The following LARGE1 variants were observed in gnomAD, a reference collection of about 807,000 sequenced individuals.
LARGE1 encodes xylosyl- and glucuronyltransferase LARGE1.
A neutral mutation model predicts 87.6 loss-of-function variants in LARGE1; 43 were observed. The ratio of observed to expected loss-of-function variants is 0.49; its 90% CI spans 0.38 to 0.63. The LOEUF (loss-of-function observed/expected upper bound fraction) is 0.63, where lower values mean the gene tolerates loss of function less well. Ranked by LOEUF, LARGE1 falls within the 30% of genes least tolerant of loss-of-function variation. LARGE1 has a pLI of 0.00. For missense variants in LARGE1, 802 were observed against 1,000.2 expected, an observed-to-expected ratio of 0.80 and a Z score of 2.67; for synonymous variants, 434 against 394.6, an observed-to-expected ratio of 1.10 and a Z score of -1.18.
At chr22:33,469,090 A>AATG (rs2068728624) in intron 6 of LARGE1, among the ~76,000 whole-genome samples, 2 of 152,328 alleles carry the variant, frequency 1.3e-5, no homozygotes, top group African/African-American at 4.8e-5. Context: ...TGCTGGTAGG[A>AATG]ATGTAAATTA....
chr22:33,355,708 A>G (rs1940829953), intron 9 of LARGE1, among the ~76,000 whole-genome samples: 1 of 60,172 alleles, frequency 1.7e-5, no homozygotes, highest in South Asian at 5.8e-4. Context: ...CCCAGTGTTA[A>G]TATCATGCAC....
intron 6 of LARGE1, among the ~76,000 whole-genome samples, chr22:33,535,016 T>C (rs147456154): frequency 2.0e-5 from 3 of 152,326 alleles, no homozygotes; most frequent in East Asian, 1.9e-4. Flanking sequence ...TATCACAATC[T>C]TGGGCTGGGC....
chr22:33,691,493 C>T (rs988684816), intron 2 of LARGE1, among the ~76,000 whole-genome samples: 1 of 152,118 alleles, frequency 6.6e-6, no homozygotes, highest in African/African-American at 2.4e-5. Context: ...ATTGACTGCA[C>T]AGTAAGAAAC....
downstream of LARGE1, among the ~76,000 whole-genome samples, chr22:33,267,679 C>A (rs1928026247): frequency 6.6e-6 from 1 of 151,000 alleles, no homozygotes; most frequent in South Asian, 2.1e-4. Flanking sequence ...AGCTTTTTAC[C>A]TTGAGGCCGA....
At chr22:33,081,249 C>T in the LARGE1 span, among the ~76,000 whole-genome samples, 6 of 152,184 alleles carry the variant, frequency 3.9e-5, no homozygotes, top group African/African-American at 7.2e-5. Flanking sequence ...AAATAAATGT[C>T]TATTGTTTAA....
intron 1 of LARGE1, among the ~76,000 whole-genome samples, chr22:33,853,332 G>A (rs1291074368): frequency 1.3e-5 from 2 of 152,168 alleles, no homozygotes; most frequent in South Asian, 2.1e-4. Flanking sequence ...AACAGCCGCT[G>A]CTTTTCAAGC....
rs1489161744 is a variant in LARGE1 at position 33,565,018 on chromosome 22, G to A, written c.617C>T (p.Ser206Phe). 1 of 1,613,872 alleles carries A rather than the reference G, an allele frequency of 6.2e-7. No individual in the cohort carries two copies. Among genetic ancestry groups the A allele is most frequent in the Middle Eastern group, 1.7e-4 (1 of 6,060 alleles). ...TTTATTGGGGATCCAGGAAACTTCA[G>A]ACTAGACAGAACAAGGCAGAGAGAG... ...VDFYNADELK[S>F]EVSWIPNKHY... The change falls in exon 6 of 15, where the codon TCT becomes TTT. Residue 206 changes from serine (S) to phenylalanine (F), a missense_variant and splice_region_variant. Physicochemically the swap from Ser to Phe is radical, Grantham distance 155. Around this residue, in one of 2 missense-constraint regions of LARGE1, gnomAD observed 625 missense variants for 841.9 expected, o/e 0.74. Transcript: ENST00000397394.
chr22:33,186,971 G>C (rs1223228805), intron 11 of LARGE1, among the ~76,000 whole-genome samples: 2 of 152,130 alleles, frequency 1.3e-5, no homozygotes, highest in Non-Finnish European at 2.9e-5. Context: ...CATGAATTAT[G>C]TATCCTGTCT....
At chr22:33,322,480 T>C (rs1434150049) in intron 10 of LARGE1, 1 of 152,266 alleles carries the variant, frequency 6.6e-6, no homozygotes, top group African/African-American at 2.4e-5. Flanking sequence ...GATTATATCA[T>C]GTACCTTTTC....
the LARGE1 span, among the ~76,000 whole-genome samples, chr22:33,146,517 T>C: frequency 6.6e-6 from 1 of 152,218 alleles, no homozygotes; most frequent in Non-Finnish European, 1.5e-5. Flanking sequence ...AGTTGGCTTA[T>C]GTCTTCAGGC....
chr22:33,188,359 A>G (rs1286907808), intron 11 of LARGE1, among the ~76,000 whole-genome samples: 1 of 152,060 alleles, frequency 6.6e-6, no homozygotes, highest in Admixed American at 6.6e-5. Flanking sequence ...GGTCAATTCT[A>G]TCCCAACAAA....
At chr22:33,898,892 ATGT>A (rs1816576029) in intron 1 of LARGE1, among the ~76,000 whole-genome samples, 1 of 152,194 alleles carries the variant, frequency 6.6e-6, no homozygotes, top group Non-Finnish European at 1.5e-5. Flanking sequence ...ATTCCCTGAG[ATGT>A]TGTTTTCCAG....
chr22:33,767,797 G>A (rs1412322721), intron 1 of LARGE1, among the ~76,000 whole-genome samples: 2 of 152,128 alleles, frequency 1.3e-5, no homozygotes, highest in Non-Finnish European at 2.9e-5. Context: ...CATATATGGG[G>A]AAACAAAATG....
At chr22:33,121,018 T>C in the LARGE1 span, among the ~76,000 whole-genome samples, 1 of 151,938 alleles carries the variant, frequency 6.6e-6, no homozygotes, top group Non-Finnish European at 1.5e-5. Flanking sequence ...GTTTAAAACC[T>C]GACATAGTTT....
At chr22:33,272,472 T>C (rs1928346316), downstream of LARGE1, among the ~76,000 whole-genome samples, 1 of 151,812 alleles carries the variant, frequency 6.6e-6, no homozygotes, top group Non-Finnish European at 1.5e-5. Context: ...GAAGCTGGCC[T>C]GGCACACCAC....
At chr22:33,820,864 C>T (rs2086795673) in intron 1 of LARGE1, among the ~76,000 whole-genome samples, 1 of 152,092 alleles carries the variant, frequency 6.6e-6, no homozygotes, top group Non-Finnish European at 1.5e-5. Flanking sequence ...GTCTAACCAA[C>T]CTCCAGAGGC....
At chr22:33,859,370 A>G (rs1025841291) in intron 1 of LARGE1, among the ~76,000 whole-genome samples, 30 of 152,316 alleles carry the variant, frequency 2.0e-4, no homozygotes, top group African/African-American at 7.2e-4. Context: ...ACACTAGGAA[A>G]ACAACGGGCA....
chr22:33,626,449 G>A, intron 3 of LARGE1, 123 bp from the exon 4 acceptor site: 1 of 744,412 alleles, frequency 1.3e-6, no homozygotes, highest in South Asian at 1.5e-5. Context: ...GAAAACAAAG[G>A]ACACTGTCTG....
intron 12 of LARGE1, among the ~76,000 whole-genome samples, chr22:33,303,934 A>G (rs1056436009): frequency 2.6e-5 from 4 of 152,208 alleles, no homozygotes; most frequent in Admixed American, 2.6e-4. Flanking sequence ...TGAGGAGGGT[A>G]TGTTTTCATA....
Sources: allele counts gnomAD v4.1 joint callset (sites outside exome capture counted in the v4.1 genomes callset), GRCh38; gene constraint gnomAD v4.1.1; regional missense constraint gnomAD v4.1.1; transcripts MANE v1.5; gene names NCBI Gene and HGNC (gene_info 2026-07-23, HGNC 2026-07-21).